Variants in NLGN1 observed in about 807,000 individuals in gnomAD.
NLGN1 encodes the protein neuroligin 1.
Under a neutral mutation model 65.5 loss-of-function variants are expected in NLGN1, and 12 were observed. That is an observed-to-expected ratio of 0.18 (90% CI 0.12 to 0.30). The LOEUF (loss-of-function observed/expected upper bound fraction) is 0.30. Among genes scored for constraint, NLGN1 ranks in the 10% least tolerant of loss-of-function variants. The probability of loss-of-function intolerance (pLI) is 1.00; values close to 1 mark genes in which losing one functional copy is unlikely to be tolerated. For synonymous variants in NLGN1, 350 were observed against 359.5 expected (o/e 0.97, Z 0.30); for missense variants, 750 against 1,007.1 (o/e 0.74, Z 3.46).
At chr3:173,913,722 A>C (rs975172015) in intron 4 of NLGN1, among the ~76,000 whole-genome samples, 1 of 152,150 alleles carries the variant, frequency 6.6e-6, no homozygotes, top group Non-Finnish European at 1.5e-5. Flanking sequence ...AGCCAAAGAA[A>C]AGTGCTTGAT....
chr3:173,969,602 T>G (rs1715729599), intron 4 of NLGN1, among the ~76,000 whole-genome samples: 1 of 152,114 alleles, frequency 6.6e-6, no homozygotes, highest in South Asian at 2.1e-4. Flanking sequence ...ATCCTTGACT[T>G]ACGTGAGCTT....
At chr3:174,030,148 A>T (rs1729676305) in intron 4 of NLGN1, among the ~76,000 whole-genome samples, 1 of 136,632 alleles carries the variant, frequency 7.3e-6, no homozygotes, top group South Asian at 2.3e-4. Flanking sequence ...TTTTTGAGAC[A>T]GAGTTTTGCT....
At chr3:173,712,027 A>G (rs192927438) in intron 3 of NLGN1, among the ~76,000 whole-genome samples, 13 of 152,322 alleles carry the variant, frequency 8.5e-5, no homozygotes, top group Admixed American at 2.6e-4. Context: ...GTTAAAATCT[A>G]CAGAGTATTG....
At chr3:174,239,841 T>C (rs896030631) in intron 4 of NLGN1, among the ~76,000 whole-genome samples, 1 of 152,042 alleles carries the variant, frequency 6.6e-6, no homozygotes. Context: ...ATGGAAACCA[T>C]GCTCAAGGAA....
At position 173,971,270 on chromosome 3, in the gene NLGN1, G is replaced by A. The variant is rs16832408; in HGVS notation, c.646+163438G>A. On this transcript the variant is annotated intron_variant, in intron 4 of 6. Transcript: ENST00000457714. Reference sequence around the variant, plus strand: ...TAATACTGATTGCCAATGAGATGTCGGTTGTGATAATGCTAGAAAATATTC... The same window carrying A: ...TAATACTGATTGCCAATGAGATGTCAGTTGTGATAATGCTAGAAAATATTC... Among the ~76,000 whole-genome samples, 484 of 152,174 alleles carry A rather than the reference G, an allele frequency of 3.2e-3. 9 individuals are homozygous for A. The highest frequency in any genetic ancestry group is 0.01 in the African/African-American group (433 of 41,562).
chr3:174,107,728 A>C (rs905491830), intron 4 of NLGN1, among the ~76,000 whole-genome samples: 1 of 152,056 alleles, frequency 6.6e-6, no homozygotes, highest in African/African-American at 2.4e-5. Context: ...TTTTCAGCTG[A>C]GGCTGTACCA....
Position 173,774,034 on chromosome 3 carries a change from C to T in NLGN1, c.494-33646C>T, listed in dbSNP as rs145831741. On this transcript the variant is annotated intron_variant, in intron 3 of 6. Coordinates refer to ENST00000457714, the Ensembl canonical transcript of NLGN1. The stretch of plus-strand genomic sequence containing the variant: ...TAAGAAACAGAAAGGACAGTGTTGC[C>T]AGAAGACAGCCAGGAAGGCCGATGC... Among the ~76,000 whole-genome samples, 5 of 152,232 alleles carry T rather than the reference C, an allele frequency of 3.3e-5. No individual in the cohort carries two copies. In the East Asian group the frequency reaches 9.7e-4, roughly 29 times the overall value.
intron 2 of NLGN1, among the ~76,000 whole-genome samples, chr3:173,493,928 A>G (rs910937145): frequency 1.3e-5 from 2 of 151,866 alleles, no homozygotes; most frequent in Non-Finnish European, 2.9e-5. Flanking sequence ...AAATAAAACT[A>G]TATTAAACTT....
intron 4 of NLGN1, among the ~76,000 whole-genome samples, chr3:174,129,834 A>G (rs926857766): frequency 1.3e-5 from 2 of 152,258 alleles, no homozygotes; most frequent in Non-Finnish European, 2.9e-5. Context: ...GGTCCTAAGT[A>G]TAATTTTTCA....
At chr3:173,576,957 A>G (rs916626227) in intron 2 of NLGN1, among the ~76,000 whole-genome samples, 1 of 152,234 alleles carries the variant, frequency 6.6e-6, no homozygotes, top group Non-Finnish European at 1.5e-5. Context: ...ACATCGAGTC[A>G]GGTGTGGCAT....
At chr3:173,856,563 G>T (rs1005017477) in intron 4 of NLGN1, among the ~76,000 whole-genome samples, 12 of 152,218 alleles carry the variant, frequency 7.9e-5, no homozygotes, top group African/African-American at 2.9e-4. Context: ...CTAATTAGGA[G>T]CTATCGTCCA....
At chr3:173,852,299 T>G (rs2150744870) in intron 4 of NLGN1, among the ~76,000 whole-genome samples, 1 of 122,728 alleles carries the variant, frequency 8.1e-6, no homozygotes, top group African/African-American at 3.1e-5. Context: ...GAGCTTGCAG[T>G]GAGCCGAGAT....
At chr3:174,289,969 GTATATA>G (rs748262574), downstream of NLGN1, among the ~76,000 whole-genome samples, 16,745 of 133,578 alleles carry the variant, frequency 0.13, 1,129 homozygotes, top group African/African-American at 0.16. Context: ...ATATATATAT[GTATATA>G]TATATATATA....
In NLGN1 at chr3:174,178,070, A is replaced by G. The variant is rs144065226; in HGVS notation, c.647-97245A>G. 2.0e-5 allele frequency among the ~76,000 whole-genome samples: 3 copies of G among 152,250 alleles called. No individual in the cohort carries two copies. In the East Asian group the frequency reaches 5.8e-4, roughly 29 times the overall value. On this transcript the variant is annotated intron_variant, in intron 4 of 6. Coordinates refer to ENST00000457714, the Ensembl canonical transcript of NLGN1. ...TTCTTGATCTGTGAAGTAGGAACAA[A>G]AAAAGGTAAAGTGGCTTAATAGTGC...
intron 4 of NLGN1, among the ~76,000 whole-genome samples, chr3:174,227,405 A>G (rs1739918714): frequency 6.6e-6 from 1 of 152,168 alleles, no homozygotes; most frequent in African/African-American, 2.4e-5. Flanking sequence ...AAGGTTAAAG[A>G]GAAGGCCACA....
chr3:173,415,532 C>T (rs548757), intron 1 of NLGN1, among the ~76,000 whole-genome samples: 42,747 of 151,934 alleles, frequency 0.28, 6,305 homozygotes, highest in Middle Eastern at 0.37. Flanking sequence ...TTGACTTTGC[C>T]GTATGCTAAT....
At chr3:173,563,706 A>T (rs1412128193) in intron 2 of NLGN1, among the ~76,000 whole-genome samples, 1 of 152,108 alleles carries the variant, frequency 6.6e-6, no homozygotes, top group Non-Finnish European at 1.5e-5. Context: ...ACCCTTGTAT[A>T]TTATAAATCT....
chr3:173,489,703 A>T (rs941112874), intron 2 of NLGN1, among the ~76,000 whole-genome samples: 1 of 151,906 alleles, frequency 6.6e-6, no homozygotes, highest in Admixed American at 6.5e-5. Context: ...TCCCACCAAC[A>T]GTGTAAAAGT....
intron 4 of NLGN1, among the ~76,000 whole-genome samples, chr3:173,879,417 T>C (rs1284345479): frequency 6.6e-6 from 1 of 152,180 alleles, no homozygotes; most frequent in African/African-American, 2.4e-5. Flanking sequence ...AATTCAGATA[T>C]TGTATTTTTC....
Sources: allele counts gnomAD v4.1 joint callset (sites outside exome capture counted in the v4.1 genomes callset), GRCh38; gene constraint gnomAD v4.1.1; transcripts MANE v1.5; gene names NCBI Gene and HGNC (gene_info 2026-07-23, HGNC 2026-07-21).